The following TLN2 variants were observed in gnomAD, a reference collection of about 807,000 sequenced individuals.
TLN2 encodes talin 2.
TLN2 carries 118 observed loss-of-function variants against 294.7 expected under a neutral mutation model. That is an observed-to-expected ratio of 0.40 (90% CI 0.34 to 0.47). The LOEUF is 0.47. Among genes scored for constraint, TLN2 ranks in the 20% least tolerant of loss-of-function variants. TLN2 has a pLI of 0.84. For missense variants in TLN2, 3,083 were observed against 3,282.2 expected (o/e 0.94, Z 1.48); for synonymous variants, 1,431 against 1,304.5 (o/e 1.10, Z -2.09).
At chr15:62,747,528 T>C (rs1414052252) in intron 32 of TLN2, among the ~76,000 whole-genome samples, 1 of 152,210 alleles carries the variant, frequency 6.6e-6, no homozygotes, top group Admixed American at 6.5e-5. Flanking sequence ...ATTTTTTATC[T>C]TGTTCCATGG....
chr15:62,437,036 A>G (rs1174977269), intron 1 of TLN2, among the ~76,000 whole-genome samples: 1 of 152,218 alleles, frequency 6.6e-6, no homozygotes, highest in Admixed American at 6.5e-5. Flanking sequence ...ACCCAATTGT[A>G]TGATTTCTCT....
intron 1 of TLN2, among the ~76,000 whole-genome samples, chr15:62,571,102 T>C (rs1233311738): frequency 2.0e-5 from 3 of 152,352 alleles, no homozygotes; most frequent in Admixed American, 2.0e-4. Context: ...TTAGGGCATG[T>C]CTTAGCTATC....
chr15:62,750,436 C>T lies in TLN2; in HGVS notation c.4154C>T (p.Pro1385Leu). The change falls in exon 34 of 59, where the codon CCT (proline) becomes CTT (leucine). Residue 1385 changes from proline (P) to leucine (L), a missense_variant. Transcript: ENST00000636159. ...GGGATGTTGGACAATCCTAATGAACCTGTTAGTGACCTCTCTTACTTTGAC... is the reference window on the plus strand; with the variant it reads ...GGGATGTTGGACAATCCTAATGAACTTGTTAGTGACCTCTCTTACTTTGAC... ...VKGMLDNPNE[P>L]VSDLSYFDCI... The T allele has an allele frequency of 6.2e-7, 1 of 1,614,142 alleles. No individual in the cohort carries two copies. Among genetic ancestry groups the T allele is most frequent in the Non-Finnish European group, 8.5e-7 (1 of 1,180,014 alleles).
At chr15:62,773,041 A>G (rs1304435202) in intron 42 of TLN2, among the ~76,000 whole-genome samples, 1 of 152,064 alleles carries the variant, frequency 6.6e-6, no homozygotes, top group African/African-American at 2.4e-5. Context: ...ATTTTCTCTC[A>G]AGGAACCTCA....
At chr15:62,820,366 G>A (rs2067459836) in intron 53 of TLN2, 120 bp from the exon 54 acceptor site, 1 of 1,124,906 alleles carries the variant, frequency 8.9e-7, no homozygotes, top group African/African-American at 1.6e-5. Flanking sequence ...GGTTCCTTAG[G>A]ACAATGCAGG....
intron 1 of TLN2, among the ~76,000 whole-genome samples, chr15:62,515,790 TGGA>T (rs2040159329): frequency 6.6e-6 from 1 of 152,204 alleles, no homozygotes; most frequent in Non-Finnish European, 1.5e-5. Flanking sequence ...CTTTTGGTAG[TGGA>T]CAGGTCGTAA....
At chr15:62,657,180 G>T (rs2053317392) in intron 8 of TLN2, among the ~76,000 whole-genome samples, 1 of 152,010 alleles carries the variant, frequency 6.6e-6, no homozygotes, top group South Asian at 2.1e-4. Context: ...AGCAGTGATG[G>T]ATGGAGAAAC....
intron 46 of TLN2, among the ~76,000 whole-genome samples, chr15:62,794,070 G>T (rs1388841537): frequency 2.0e-5 from 3 of 152,138 alleles, no homozygotes; most frequent in Admixed American, 6.5e-5. Flanking sequence ...TTCTTGCCAA[G>T]TTCCCCCATA....
At chr15:62,664,634 G>A (rs1471532112) in intron 9 of TLN2, among the ~76,000 whole-genome samples, 2 of 151,836 alleles carry the variant, frequency 1.3e-5, no homozygotes, top group Non-Finnish European at 1.5e-5. Flanking sequence ...CGAAGTGGGT[G>A]GATCACCTGA....
chr15:62,825,808 T>A (rs200769547), intron 54 of TLN2, among the ~76,000 whole-genome samples: 536 of 5,324 alleles, frequency 0.1, 41 homozygotes, highest in Middle Eastern at 0.25. Flanking sequence ...ATATTATATA[T>A]TATATTATAA....
In TLN2 at chr15:62,725,117, A is replaced by G; in HGVS notation, c.3255+13A>G. ...TCCAGGGGAAACGGTGAGCTGTTAG[A>G]GCCAGCTGGGGTGCGGGTGTACCTT... is the stretch of plus-strand genomic sequence containing the variant. On this transcript the variant is annotated intron_variant, in intron 27 of 58. Coordinates refer to ENST00000636159, the MANE Select transcript of TLN2 (RefSeq NM_015059.3). The G allele has an allele frequency of 6.2e-7, 1 of 1,605,442 alleles. No individual in the cohort carries two copies.
chr15:62,406,355 G>A (rs190300027), intron 1 of TLN2, among the ~76,000 whole-genome samples: 40 of 152,192 alleles, frequency 2.6e-4, no homozygotes, highest in African/African-American at 9.4e-4. Context: ...CTTAGTCCAT[G>A]AGGGTTCTTG....
At chr15:62,580,082 G>A (rs1183245785) in intron 1 of TLN2, among the ~76,000 whole-genome samples, 1 of 152,148 alleles carries the variant, frequency 6.6e-6, no homozygotes, top group Non-Finnish European at 1.5e-5. Context: ...GGCCTGCAGT[G>A]GGGAGATCTC....
At chr15:62,482,654 G>C (rs763974801) in intron 1 of TLN2, among the ~76,000 whole-genome samples, 2 of 150,710 alleles carry the variant, frequency 1.3e-5, no homozygotes, top group Non-Finnish European at 2.9e-5. Flanking sequence ...AACCATGAGG[G>C]CCCTCATTAG....
intron 54 of TLN2, chr15:62,831,455 G>A (rs1429306673): frequency 6.6e-6 from 1 of 151,596 alleles, no homozygotes; most frequent in Non-Finnish European, 1.5e-5. Context: ...TAATCTCACG[G>A]TTATTAAAAT....
chr15:62,462,027 C>T (rs2036835657), intron 1 of TLN2, among the ~76,000 whole-genome samples: 1 of 152,082 alleles, frequency 6.6e-6, no homozygotes, highest in South Asian at 2.1e-4. Context: ...ACGAGACCAG[C>T]CTGGCCGATA....
Position 62,582,221 on chromosome 15 carries a change from C to CACACACACACACACAT in TLN2, c.-237-7451_-237-7450insTACACACACACACACA, listed in dbSNP as rs1567138603. 7.0e-5 allele frequency among the ~76,000 whole-genome samples: 10 copies of CACACACACACACACAT among 142,640 alleles called. No individual in the cohort carries two copies. The South Asian group carries it at 2.3e-3, about 32-fold the overall frequency. The allele number at this position is 142,640 out of a possible 152,430, so 93.6% of individuals were successfully genotyped here. The stretch of plus-strand genomic sequence containing the variant: ...ACACACACACACACACACACACACA[C>CACACACACACACACAT]ACACACACACACACACACACACACA... On this transcript the variant is annotated intron_variant, in intron 1 of 58. Transcript: ENST00000636159.
chr15:62,394,663 G>A (rs1046912923), intron 1 of TLN2, among the ~76,000 whole-genome samples: 1 of 152,106 alleles, frequency 6.6e-6, no homozygotes, highest in Non-Finnish European at 1.5e-5. Context: ...TCCCCTGCAG[G>A]GCCCACACCC....
intron 2 of TLN2, among the ~76,000 whole-genome samples, chr15:62,608,872 C>T (rs562483346): frequency 5.3e-5 from 8 of 151,964 alleles, no homozygotes; most frequent in African/African-American, 9.7e-5. Flanking sequence ...TATTTCTAAA[C>T]GAAGGAGAGC....
Sources: gnomAD v4.1 joint callset for allele counts (sites outside exome capture counted in the v4.1 genomes callset) on GRCh38, gnomAD v4.1.1 for gene constraint, MANE v1.5 for transcripts, NCBI Gene and HGNC (gene_info 2026-07-23, HGNC 2026-07-21) for gene names.